Variants in MSL2 observed in about 807,000 individuals in gnomAD.
MSL2 encodes the protein MSL complex subunit 2, also known as E3 ubiquitin-protein ligase MSL2.
In MSL2, 2 loss-of-function variants were observed where a neutral mutation model predicts 35.8. That is an observed-to-expected ratio of 0.06 (90% CI 0.02 to 0.18). MSL2 has a LOEUF of 0.18. Ranked by LOEUF, MSL2 falls within the 10% of genes least tolerant of loss-of-function variation. The pLI is 1.00. For synonymous variants in MSL2, 296 were observed against 255.7 expected (o/e 1.16, Z -1.50); for missense variants, 523 against 706.7 (o/e 0.74, Z 2.95).
intron 1 of MSL2, among the ~76,000 whole-genome samples, chr3:136,175,090 A>T (rs920431145): frequency 6.6e-6 from 1 of 152,086 alleles, no homozygotes; most frequent in African/African-American, 2.4e-5. Flanking sequence ...TCACGCCTAT[A>T]ATCCCAGCAC....
rs1297032648 is a variant in MSL2 at position 136,195,525 on chromosome 3, A to AGGCCCC, written c.-418_-413dup. 4 of 1,011,562 alleles carry AGGCCCC rather than the reference A, an allele frequency of 4.0e-6. No homozygotes were observed. The highest frequency in any genetic ancestry group is 1.7e-5 in the African/African-American group (1 of 57,454). 62.7% of individuals were successfully genotyped at this position (1,011,562 alleles called of 1,614,324 possible). A position where few individuals can be genotyped will look rare whatever the true frequency, so the allele number is the denominator to read the frequency against. On this transcript the variant is annotated 5_prime_UTR_variant, in exon 1 of 2. Coordinates refer to ENST00000309993, the MANE Select transcript of MSL2 (RefSeq NM_018133.4). ...AAGTCGAGCTGGCAGGCGCGGGAGC[A>AGGCCCC]GGCCCCGGCCCCGTCTGAGGCGCGG... is the stretch of plus-strand genomic sequence containing the variant.
chr3:136,189,108 C>CAAAAAAAAAAAAAAAAAAAA (rs372715974), intron 1 of MSL2, among the ~76,000 whole-genome samples: 2 of 38,610 alleles, frequency 5.2e-5, no homozygotes, highest in African/African-American at 2.0e-4. Flanking sequence ...CCTGTCTCTA[C>CAAAAAAAAAAAAAAAAAAAA]AAAAAAAAAA....
chr3:136,167,315 G>C (rs921354841), intron 1 of MSL2, among the ~76,000 whole-genome samples: 5 of 150,970 alleles, frequency 3.3e-5, no homozygotes, highest in African/African-American at 1.2e-4. Flanking sequence ...CTTGGTAAAA[G>C]TGAAAAATGG....
At chr3:136,189,795 CCT>C (rs1164704062) in intron 1 of MSL2, among the ~76,000 whole-genome samples, 4 of 151,588 alleles carry the variant, frequency 2.6e-5, no homozygotes, top group Non-Finnish European at 1.5e-5. Context: ...TAAAATAGAC[CCT>C]GTTTTAACAC....
chr3:136,167,859 G>T (rs768444190), intron 1 of MSL2, among the ~76,000 whole-genome samples: 2 of 152,088 alleles, frequency 1.3e-5, no homozygotes, highest in Non-Finnish European at 2.9e-5. Context: ...CCAACGTAAT[G>T]AAAGAGAAAA....
chr3:136,177,898 T>C (rs533858419), intron 1 of MSL2, among the ~76,000 whole-genome samples: 2 of 152,286 alleles, frequency 1.3e-5, no homozygotes, highest in East Asian at 1.9e-4. Flanking sequence ...TAAATGTCAC[T>C]CAAGCCAAGC....
chr3:136,165,990 G>A (rs1044880167), intron 1 of MSL2, among the ~76,000 whole-genome samples: 55 of 137,646 alleles, frequency 4.0e-4, no homozygotes, highest in African/African-American at 1.5e-3. Context: ...AACATTTAAT[G>A]TACCCCACAA....
intron 1 of MSL2, among the ~76,000 whole-genome samples, chr3:136,164,834 C>T (rs192173211): frequency 6.6e-6 from 1 of 152,010 alleles, no homozygotes; most frequent in Non-Finnish European, 1.5e-5. Context: ...CATATAGTTA[C>T]ACACACAAGT....
At chr3:136,169,346 CAA>C (rs958915515) in intron 1 of MSL2, among the ~76,000 whole-genome samples, 20 of 146,828 alleles carry the variant, frequency 1.4e-4, no homozygotes, top group African/African-American at 4.5e-4. Context: ...CTGTAACAAT[CAA>C]ATGAGGCTAA....
chr3:136,180,752 AGGAGGGAAGGAGGGAGGGAGGGAG>A (rs1457460972), intron 1 of MSL2, among the ~76,000 whole-genome samples: 1,294 of 85,886 alleles, frequency 0.015, 27 homozygotes, highest in Non-Finnish European at 0.023. Flanking sequence ...AGAGGAGGGA[AGGAGGGAAGGAGGGAGGGAGGGAG>A]GGAGGGAGGG....
At chr3:136,178,906 T>C (rs563685751) in intron 1 of MSL2, among the ~76,000 whole-genome samples, 1 of 151,958 alleles carries the variant, frequency 6.6e-6, no homozygotes, top group East Asian at 1.9e-4. Context: ...AAACGGTTAT[T>C]ACCAGGATCA....
intron 1 of MSL2, among the ~76,000 whole-genome samples, chr3:136,175,687 A>AAAC (rs369286125): frequency 2.0e-5 from 3 of 152,130 alleles, no homozygotes; most frequent in Non-Finnish European, 4.4e-5. Context: ...CCATCTCAAA[A>AAAC]AACAACAACA....
intron 1 of MSL2, among the ~76,000 whole-genome samples, chr3:136,160,460 G>A (rs1939678750): frequency 6.6e-6 from 1 of 150,470 alleles, no homozygotes; most frequent in African/African-American, 2.4e-5. Flanking sequence ...AGGCGTGGGG[G>A]CTCACTCCCA....
At position 136,160,275 on chromosome 3, in the gene MSL2, C is replaced by CAA. The variant is rs775528119; in HGVS notation, c.143-7539_143-7538dup. ...TGGGCGACAGAGAAAGACTCTGTCT[C>CAA]AAAAAAAAAAAAAAAAAAAAAAAGA... On this transcript the variant is annotated intron_variant, in intron 1 of 1. Transcript: ENST00000309993. 3.8e-3 allele frequency among the ~76,000 whole-genome samples: 71 copies of CAA among 18,750 alleles called. 2 individuals carry two copies. The highest frequency in any genetic ancestry group is 8.9e-3 in the African/African-American group (37 of 4,170). The allele number at this position is 18,750 out of a possible 152,430, so 12.3% of individuals were successfully genotyped here.
At chr3:136,185,502 A>G (rs145383047) in intron 1 of MSL2, among the ~76,000 whole-genome samples, 19 of 142,724 alleles carry the variant, frequency 1.3e-4, no homozygotes, top group Non-Finnish European at 2.0e-4. Flanking sequence ...TGCTACCAGA[A>G]TAACTTGGGA....
chr3:136,149,316 G>A lies in MSL2; in HGVS notation c.*1831C>T, dbSNP rs1210640458. The A allele has an allele frequency of 1.3e-5, 2 of 152,400 alleles. No homozygotes were observed. The highest frequency in any genetic ancestry group is 2.9e-5 in the Non-Finnish European group (2 of 67,994). The allele number at this position is 152,400 out of a possible 1,614,324, so 9.4% of individuals were successfully genotyped here. On this transcript the variant is annotated 3_prime_UTR_variant, in exon 2 of 2. Transcript: ENST00000309993. ...CAGATTTACAACTTTATATAGCAGG[G>A]CATCTGGGTTCAACACAAAACTGTT...
chr3:136,156,419 T>G (rs1939523783), intron 1 of MSL2, among the ~76,000 whole-genome samples: 1 of 152,070 alleles, frequency 6.6e-6, no homozygotes, highest in Middle Eastern at 3.2e-3. Flanking sequence ...GAGAAGCAAG[T>G]TAAAAGGCTA....
chr3:136,160,011 C>A (rs1237016786), intron 1 of MSL2, among the ~76,000 whole-genome samples: 1 of 152,044 alleles, frequency 6.6e-6, no homozygotes, highest in East Asian at 1.9e-4. Flanking sequence ...GTGGTTCACA[C>A]CTGTAATCCC....
intron 1 of MSL2, among the ~76,000 whole-genome samples, chr3:136,184,421 T>G (rs796256628): frequency 5.6e-4 from 85 of 151,590 alleles, no homozygotes; most frequent in African/African-American, 2.0e-3. Flanking sequence ...GCCAACATGG[T>G]GAAACCCGTC....
Sources: gnomAD v4.1 joint callset for allele counts (sites outside exome capture counted in the v4.1 genomes callset) on GRCh38, gnomAD v4.1.1 for gene constraint, MANE v1.5 for transcripts, NCBI Gene and HGNC (gene_info 2026-07-23, HGNC 2026-07-21) for gene names.